MON2: variants seen among roughly 807,000 people sequenced by gnomAD.
MON2 encodes MON2 regulator of endosome-to-Golgi trafficking.
A neutral mutation model predicts 208.6 loss-of-function variants in MON2; 84 were observed. That is an observed-to-expected ratio of 0.40 (90% CI 0.34 to 0.48). The LOEUF is 0.48. Ranked by LOEUF, MON2 falls within the 20% of genes least tolerant of loss-of-function variation. The probability of loss-of-function intolerance (pLI) is 0.59; values close to 1 mark genes in which losing one functional copy is unlikely to be tolerated. For missense variants in MON2, 1,611 were observed against 2,015.4 expected, an observed-to-expected ratio of 0.80 and a Z score of 3.84; for synonymous variants, 660 against 694.0, an observed-to-expected ratio of 0.95 and a Z score of 0.77.
chr12:62,536,654 G>A (rs779197722), intron 14 of MON2, among the ~76,000 whole-genome samples: 1 of 150,480 alleles, frequency 6.6e-6, no homozygotes. Flanking sequence ...TGCTTAACTT[G>A]TCTTGGTTTT....
At chr12:62,489,544 C>G (rs980539357) in intron 2 of MON2, among the ~76,000 whole-genome samples, 2 of 151,742 alleles carry the variant, frequency 1.3e-5, no homozygotes, top group African/African-American at 4.8e-5. Flanking sequence ...ACCACTTTTT[C>G]TGATTTCTTT....
Position 62,592,760 on chromosome 12 carries a change from T to C in MON2, c.*11T>C, listed in dbSNP as rs775005034. 1.9e-6 allele frequency: 3 copies of C among 1,561,564 alleles called. No homozygotes were observed. Among genetic ancestry groups the C allele is most frequent in the Non-Finnish European group, 2.6e-6 (3 of 1,141,910 alleles). ...AATGGAGAATCTTGACCGGCTACAA[T>C]ATATTTGAAAGCAGGAAGATAGTCT... On this transcript the variant is annotated 3_prime_UTR_variant, in exon 35 of 35. Coordinates refer to ENST00000393630, the MANE Select transcript of MON2 (RefSeq NM_015026.3).
At position 62,508,531 on chromosome 12, in the gene MON2, C is replaced by CT. The variant is rs770285723; in HGVS notation, c.984+54dup. ...TGTGTATATAGTTGCATGTTGTGCC[C>CT]TTTGTAAAAAGTGGTCTGTTGTAGC... On this transcript the variant is annotated intron_variant, in intron 8 of 34. Coordinates refer to ENST00000393630, the MANE Select transcript of MON2 (RefSeq NM_015026.3). The CT allele has an allele frequency of 1.9e-6, 3 of 1,556,630 alleles. No individual in the cohort carries two copies. The East Asian group carries it at 6.7e-5, about 35-fold the overall frequency.
chr12:62,538,462 C>G lies in MON2; in HGVS notation c.2321C>G (p.Ser774Cys), dbSNP rs774567529. The change falls in exon 19 of 35, where the codon TCC becomes TGC. Residue 774 changes from serine to cysteine, a missense_variant. Transcript: ENST00000393630. ...CATCATTTAATAAATGCACTTTGCTCCTTGTCTCTAGAAGCAATGGATATG... is the reference window on the plus strand; with the variant it reads ...CATCATTTAATAAATGCACTTTGCTGCTTGTCTCTAGAAGCAATGGATATG... Reference protein sequence around the residue: ...SLHHLINALCSLSLEAMDMAY... With the variant: ...SLHHLINALCCLSLEAMDMAY... 6.2e-7 allele frequency: 1 copy of G among 1,611,296 alleles called. No homozygotes were observed. Among genetic ancestry groups the G allele is most frequent in the South Asian group, 1.1e-5 (1 of 91,020 alleles).
chr12:62,566,455 C>CT lies in MON2; in HGVS notation c.4323+12dup, dbSNP rs757641905. 2 of 1,608,560 alleles carry CT rather than the reference C, an allele frequency of 1.2e-6. No individual in the cohort carries two copies. Among genetic ancestry groups the CT allele is most frequent in the East Asian group, 2.2e-5 (1 of 44,696 alleles). ...GTGCTCCAGAATATTATTAAGGTATCTTTTTTTCATTTCTACACTTTCATT... is the reference window on the plus strand; with the variant it reads ...GTGCTCCAGAATATTATTAAGGTATCTTTTTTTTCATTTCTACACTTTCATT... On this transcript the variant is annotated splice_donor_region_variant and intron_variant, in intron 29 of 34. Transcript: ENST00000393630.
chr12:62,530,567 T>C (rs1442158807), intron 11 of MON2, among the ~76,000 whole-genome samples: 1 of 152,208 alleles, frequency 6.6e-6, no homozygotes, highest in African/African-American at 2.4e-5. Context: ...GTGTTGAGAA[T>C]GTGTTCATAC....
At chr12:62,473,763 G>T (rs1410798995) in intron 1 of MON2, among the ~76,000 whole-genome samples, 1 of 152,016 alleles carries the variant, frequency 6.6e-6, no homozygotes, top group East Asian at 1.9e-4. Context: ...TAGTGACAGG[G>T]TTTTGCCATG....
intron 10 of MON2, among the ~76,000 whole-genome samples, chr12:62,525,428 A>G (rs922187121): frequency 1.3e-5 from 2 of 152,140 alleles, no homozygotes; most frequent in African/African-American, 4.8e-5. Context: ...TCTCTGACAT[A>G]CTTTCAGTTT....
Position 62,565,350 on chromosome 12 carries a change from A to C in MON2, c.4146A>C (p.Thr1382=). The C allele has an allele frequency of 1.2e-6, 2 of 1,608,636 alleles. No homozygotes were observed. Among genetic ancestry groups the C allele is most frequent in the African/African-American group, 1.3e-5 (1 of 74,710 alleles). ...CKPPQYGQLE[T]KHIANAKYNQ... is the part of the protein sequence containing the mutation. ...CTCCACAGTATGGACAGCTGGAAAC[A>C]AAGCACATTGCAAATGCAAAATATA... is the stretch of plus-strand genomic sequence containing the variant. Residue 1382 remains threonine, a synonymous_variant, in exon 27 of 35, where the codon ACA becomes ACC. Coordinates refer to ENST00000393630, the MANE Select transcript of MON2 (RefSeq NM_015026.3).
chr12:62,507,264 C>T (rs1337134186), intron 7 of MON2, among the ~76,000 whole-genome samples: 1 of 151,488 alleles, frequency 6.6e-6, no homozygotes, highest in Non-Finnish European at 1.5e-5. Flanking sequence ...AAACTATTTG[C>T]TTGAGTTTGT....
intron 21 of MON2, among the ~76,000 whole-genome samples, chr12:62,545,897 C>G (rs901807024): frequency 2.6e-5 from 4 of 151,884 alleles, no homozygotes; most frequent in African/African-American, 4.8e-5. Context: ...AAAATAATAC[C>G]CTTTTCCATT....
chr12:62,500,755 C>T (rs1311047673), intron 5 of MON2, 28 bp from the exon 6 acceptor site: 1 of 1,191,622 alleles, frequency 8.4e-7, no homozygotes, highest in South Asian at 1.4e-5. Flanking sequence ...ATTATGAACT[C>T]CTAAAACCCA....
At chr12:62,527,965 A>T (rs1314301796) in intron 11 of MON2, among the ~76,000 whole-genome samples, 2 of 152,130 alleles carry the variant, frequency 1.3e-5, no homozygotes, top group African/African-American at 4.8e-5. Flanking sequence ...GATTTTAACT[A>T]GTTCTGCTAC....
At position 62,560,697 on chromosome 12, in the gene MON2, A is replaced by G. The variant is rs1223593692; in HGVS notation, c.3616A>G (p.Ser1206Gly). Residue 1206 changes from serine to glycine, a missense_variant, in exon 26 of 35, where the codon AGC becomes GGC. Ser to Gly is a moderately conservative substitution (Grantham distance 56, BLOSUM62 0). Coordinates refer to ENST00000393630, the MANE Select transcript of MON2 (RefSeq NM_015026.3). ...TCTTATAGGGCCCATATCAGGCATGAGCAGGCCATTTGTAAGAACAGATTC... is the reference window on the plus strand; with the variant it reads ...TCTTATAGGGCCCATATCAGGCATGGGCAGGCCATTTGTAAGAACAGATTC... ...PVLIGPISGM[S>G]RPFVRTDSIG... 1.2e-6 allele frequency: 2 copies of G among 1,614,102 alleles called. No individual in the cohort carries two copies. Among genetic ancestry groups the G allele is most frequent in the African/African-American group, 1.3e-5 (1 of 75,048 alleles).
In MON2 at chr12:62,571,472, A is replaced by G; in HGVS notation, c.4404A>G (p.Arg1468=). Residue 1468 remains arginine (R), a synonymous_variant, in exon 30 of 35, where the codon AGA becomes AGG. Transcript: ENST00000393630. ...TWKLAVSSLL[R]VLSIGLPVAR... is the part of the protein sequence containing the mutation. ...AACTAGCAGTATCCTCTCTCCTCAG[A>G]GTTCTTTCTATTGGGCTACCTGTTG... The G allele has an allele frequency of 6.2e-7, 1 of 1,613,620 alleles. No individual in the cohort carries two copies.
At position 62,469,283 on chromosome 12, in the gene MON2, C is replaced by A. The variant is rs192826274; in HGVS notation, c.111+1965C>A. Among the ~76,000 whole-genome samples, 22 of 152,208 alleles carry A rather than the reference C, an allele frequency of 1.4e-4. No individual in the cohort carries two copies. In the East Asian group the frequency reaches 3.5e-3, roughly 24 times the overall value. On this transcript the variant is annotated intron_variant, in intron 1 of 34. Transcript: ENST00000393630. Reference sequence around the variant, plus strand: ...ATCCCTTGAGCCCAGGCGGTCAAGGCTGCAGTGAGTGGTGATTGTGCCACT... The same window carrying A: ...ATCCCTTGAGCCCAGGCGGTCAAGGATGCAGTGAGTGGTGATTGTGCCACT...
chr12:62,508,207 C>T (rs2071202104), intron 7 of MON2, 79 bp from the exon 8 acceptor site: 1 of 1,076,280 alleles, frequency 9.3e-7, no homozygotes, highest in Non-Finnish European at 1.4e-6. Flanking sequence ...GTTTTGTTTC[C>T]TAGTGAGACT....
Position 62,525,112 on chromosome 12 carries a change from C to A in MON2, c.1138C>A (p.Gln380Lys). ...RSFCQSYDMK[Q>K]HSTKVFRDIV... ...ATTTTGTCAGTCCTATGATATGAAA[C>A]AGCATTCTACCAAGGTTTTTCGTGA... Residue 380 changes from glutamine (Q) to lysine (K), a missense_variant, in exon 10 of 35, where the codon CAG becomes AAG. Transcript: ENST00000393630. 1 of 1,610,994 alleles carries A rather than the reference C, an allele frequency of 6.2e-7. No individual in the cohort carries two copies. Among genetic ancestry groups the A allele is most frequent in the African/African-American group, 1.3e-5 (1 of 74,940 alleles).
At chr12:62,470,786 T>A (rs563777935) in intron 1 of MON2, 804 of 1,043,656 alleles carry the variant, frequency 7.7e-4, no homozygotes, top group Middle Eastern at 3.5e-3. Context: ...GTTGTTAGTA[T>A]TCCATGTAAA....
Sources: gnomAD v4.1 joint callset for allele counts (sites outside exome capture counted in the v4.1 genomes callset) on GRCh38, gnomAD v4.1.1 for gene constraint, MANE v1.5 for transcripts, NCBI Gene and HGNC (gene_info 2026-07-23, HGNC 2026-07-21) for gene names.